CEP85L: variants seen among roughly 807,000 people sequenced by gnomAD.
The protein encoded by CEP85L is centrosomal protein 85L.
In CEP85L, 60 loss-of-function variants were observed where a neutral mutation model predicts 100.3. The ratio of observed to expected loss-of-function variants is 0.60; its 90% CI spans 0.49 to 0.74. The LOEUF is 0.74. Ranked by LOEUF, CEP85L falls within the 30% of genes least tolerant of loss-of-function variation. The pLI is 0.00. For synonymous variants in CEP85L, 319 were observed against 322.7 expected, an observed-to-expected ratio of 0.99 and a Z score of 0.12; for missense variants, 973 against 936.2, an observed-to-expected ratio of 1.04 and a Z score of -0.51.
At chr6:118,568,731 T>C (rs7758614) in intron 2 of CEP85L, among the ~76,000 whole-genome samples, 70,766 of 152,004 alleles carry the variant, frequency 0.47, 16,980 homozygotes, top group Middle Eastern at 0.58. Context: ...ACACAGTGAT[T>C]AACAGACTAT....
intron 5 of CEP85L, chr6:118,501,638 A>C (rs1329046925): frequency 3.2e-6 from 2 of 634,174 alleles, no homozygotes; most frequent in Non-Finnish European, 6.0e-6. Flanking sequence ...ACCAGAGACC[A>C]CTTATTATAA....
intron 3 of CEP85L, among the ~76,000 whole-genome samples, chr6:118,525,542 C>T (rs762586364): frequency 6.6e-6 from 1 of 152,140 alleles, no homozygotes; most frequent in Admixed American, 6.5e-5. Flanking sequence ...TGTGAAGAGA[C>T]ACAGAGACAA....
intron 2 of CEP85L, among the ~76,000 whole-genome samples, chr6:118,579,022 A>G (rs1257339033): frequency 6.6e-6 from 1 of 152,080 alleles, no homozygotes; most frequent in Admixed American, 6.6e-5. Context: ...CAGCCCCCCA[A>G]GTAGCTGGGA....
chr6:118,576,056 A>G (rs1463183261), intron 2 of CEP85L, among the ~76,000 whole-genome samples: 1 of 152,186 alleles, frequency 6.6e-6, no homozygotes, highest in Non-Finnish European at 1.5e-5. Context: ...TAAAATGGGA[A>G]TATTATACTC....
intron 2 of CEP85L, among the ~76,000 whole-genome samples, chr6:118,601,765 T>C (rs919090767): frequency 2.0e-5 from 3 of 152,210 alleles, no homozygotes; most frequent in Non-Finnish European, 2.9e-5. Flanking sequence ...GACGTTGCCA[T>C]AGCATTTGTA....
chr6:118,681,481 T>G (rs17349329), intron 1 of CEP85L, among the ~76,000 whole-genome samples: 54,882 of 152,042 alleles, frequency 0.36, 10,160 homozygotes, highest in Middle Eastern at 0.42. Flanking sequence ...TGTTCATTAT[T>G]AATAGTAAGC....
Position 118,511,425 on chromosome 6 carries a change from A to G in CEP85L, c.1140-10T>C. The G allele has an allele frequency of 6.5e-7, 1 of 1,542,314 alleles. No homozygotes were observed. Among genetic ancestry groups the G allele is most frequent in the Non-Finnish European group, 9.0e-7 (1 of 1,115,524 alleles). On this transcript the variant is annotated splice_polypyrimidine_tract_variant and intron_variant, in intron 4 of 12. Coordinates refer to ENST00000368491, the MANE Select transcript of CEP85L (RefSeq NM_001042475.3). Reference sequence around the variant, plus strand: ...AATTTGTTGCTTCTGCCTGCAAAACATAAATTAAGGTCACATTATGAGTTA... The same window carrying G: ...AATTTGTTGCTTCTGCCTGCAAAACGTAAATTAAGGTCACATTATGAGTTA...
intron 1 of CEP85L, among the ~76,000 whole-genome samples, chr6:118,689,052 G>C (rs922394115): frequency 6.6e-6 from 1 of 152,190 alleles, no homozygotes. Flanking sequence ...CCCTTCAGCA[G>C]AGACTTGAAT....
chr6:118,648,695 T>C (rs1775359409), intron 1 of CEP85L, among the ~76,000 whole-genome samples: 1 of 145,148 alleles, frequency 6.9e-6, no homozygotes, highest in Admixed American at 7.1e-5. Flanking sequence ...TGAGCCGAGA[T>C]CGCGCCACTA....
chr6:118,557,298 T>A (rs372374207), intron 3 of CEP85L, among the ~76,000 whole-genome samples: 19 of 152,318 alleles, frequency 1.2e-4, no homozygotes, highest in African/African-American at 4.6e-4. Context: ...GAGCTATTAA[T>A]ACAGTGACTG....
At chr6:118,535,740 C>T (rs893083389) in intron 3 of CEP85L, among the ~76,000 whole-genome samples, 1 of 152,070 alleles carries the variant, frequency 6.6e-6, no homozygotes, top group Non-Finnish European at 1.5e-5. Flanking sequence ...ATTTGTGTTC[C>T]AGTAATCCTT....
chr6:118,617,933 A>T (rs1226295153), intron 2 of CEP85L, among the ~76,000 whole-genome samples: 1 of 152,208 alleles, frequency 6.6e-6, no homozygotes, highest in Non-Finnish European at 1.5e-5. Context: ...GGCACCTGTC[A>T]GCCAGTTAAA....
At chr6:118,592,294 C>CTA (rs1174031483) in intron 2 of CEP85L, among the ~76,000 whole-genome samples, 1 of 148,792 alleles carries the variant, frequency 6.7e-6, no homozygotes, top group Non-Finnish European at 1.5e-5. Context: ...ACTTGAAAAG[C>CTA]TATATAACCC....
At chr6:118,523,537 C>T (rs1357900005) in intron 4 of CEP85L, among the ~76,000 whole-genome samples, 4 of 152,240 alleles carry the variant, frequency 2.6e-5, no homozygotes, top group Middle Eastern at 3.4e-3. Flanking sequence ...ACCCGCTACA[C>T]GTACAGAAAA....
At chr6:118,591,399 C>G (rs969719239) in intron 2 of CEP85L, among the ~76,000 whole-genome samples, 1 of 151,922 alleles carries the variant, frequency 6.6e-6, no homozygotes, top group African/African-American at 2.4e-5. Context: ...GATTGGTCCC[C>G]TCCTGCAACC....
chr6:118,656,295 C>G (rs554741471), upstream of CEP85L, among the ~76,000 whole-genome samples: 2 of 152,262 alleles, frequency 1.3e-5, no homozygotes, highest in South Asian at 4.1e-4. Flanking sequence ...TGTAGCCTAT[C>G]TGGAAAAAGC....
At chr6:118,578,736 T>A (rs1019616869) in intron 2 of CEP85L, among the ~76,000 whole-genome samples, 17 of 152,006 alleles carry the variant, frequency 1.1e-4, no homozygotes, top group African/African-American at 3.9e-4. Flanking sequence ...TCAAAAAAAA[T>A]AAATAAATAA....
chr6:118,553,218 A>T (rs1362299779), intron 3 of CEP85L, among the ~76,000 whole-genome samples: 3 of 14,680 alleles, frequency 2.0e-4, no homozygotes, highest in African/African-American at 7.6e-4. Context: ...AAGAAATTAA[A>T]AAAAAAAAAA....
intron 3 of CEP85L, among the ~76,000 whole-genome samples, chr6:118,544,210 C>A (rs569841487): frequency 6.6e-6 from 1 of 152,088 alleles, no homozygotes; most frequent in African/African-American, 2.4e-5. Context: ...GCATCATGAT[C>A]GGGACCCTAT....
Sources: gnomAD v4.1 joint callset for allele counts (sites outside exome capture counted in the v4.1 genomes callset) on GRCh38, gnomAD v4.1.1 for gene constraint, MANE v1.5 for transcripts, NCBI Gene and HGNC (gene_info 2026-07-23, HGNC 2026-07-21) for gene names.